OXR1: variants seen among roughly 807,000 people sequenced by gnomAD.
The protein encoded by OXR1 is oxidation resistance protein 1.
OXR1 carries 41 observed loss-of-function variants against 104.6 expected under a neutral mutation model. The observed-to-expected ratio is 0.39, with a 90% CI of 0.31 to 0.51. The LOEUF (loss-of-function observed/expected upper bound fraction) is 0.51, where lower values mean the gene tolerates loss of function less well. Among genes scored for constraint, OXR1 ranks in the 20% least tolerant of loss-of-function variants. OXR1 has a pLI of 0.77. For missense variants in OXR1, 955 were observed against 1,031.9 expected, an observed-to-expected ratio of 0.93 and a Z score of 1.02; for synonymous variants, 348 against 348.4, an observed-to-expected ratio of 1.00 and a Z score of 0.01.
chr8:106,427,384 G>T (rs546649184), intron 2 of OXR1, among the ~76,000 whole-genome samples: 1 of 152,184 alleles, frequency 6.6e-6, no homozygotes, highest in East Asian at 1.9e-4. Context: ...AGCCAGGATG[G>T]TCTCGATCTC....
At chr8:106,448,001 T>TTGCC (rs1253076607) in intron 2 of OXR1, 14 of 1,528,814 alleles carry the variant, frequency 9.2e-6, no homozygotes, top group Non-Finnish European at 9.6e-6. Flanking sequence ...AGCTATAAGG[T>TTGCC]TGCCTGCCTG....
At chr8:106,677,018 A>T (rs965006789) in intron 3 of OXR1, among the ~76,000 whole-genome samples, 1 of 152,144 alleles carries the variant, frequency 6.6e-6, no homozygotes, top group African/African-American at 2.4e-5. Context: ...AAACTTGCAA[A>T]CATGTTTAAT....
At chr8:106,489,270 A>G (rs1478820115) in intron 2 of OXR1, among the ~76,000 whole-genome samples, 1 of 151,690 alleles carries the variant, frequency 6.6e-6, no homozygotes, top group Non-Finnish European at 1.5e-5. Flanking sequence ...TTGTACATTG[A>G]TTTTGTATCC....
intron 3 of OXR1, among the ~76,000 whole-genome samples, chr8:106,589,699 G>A (rs1333130467): frequency 2.0e-5 from 3 of 152,002 alleles, no homozygotes; most frequent in African/African-American, 7.2e-5. Flanking sequence ...ATGGAGTTTC[G>A]CTTGTTGCCC....
At chr8:106,387,695 A>G (rs1013783874) in intron 2 of OXR1, among the ~76,000 whole-genome samples, 3 of 152,204 alleles carry the variant, frequency 2.0e-5, no homozygotes, top group South Asian at 2.1e-4. Flanking sequence ...TGCATCTCTC[A>G]TAGTATTTAA....
chr8:106,675,885 G>T (rs928150364), intron 3 of OXR1, among the ~76,000 whole-genome samples: 3 of 152,100 alleles, frequency 2.0e-5, no homozygotes, highest in African/African-American at 7.2e-5. Flanking sequence ...TGTCAGTGGG[G>T]TGTTAAAGTC....
intron 2 of OXR1, among the ~76,000 whole-genome samples, chr8:106,501,002 G>A (rs1326636383): frequency 2.0e-5 from 3 of 152,188 alleles, no homozygotes; most frequent in Non-Finnish European, 2.9e-5. Flanking sequence ...TTGAAGTTGG[G>A]TGATCAAGGA....
chr8:106,615,481 C>T (rs1472367668), intron 3 of OXR1, among the ~76,000 whole-genome samples: 2 of 151,440 alleles, frequency 1.3e-5, no homozygotes, highest in African/African-American at 2.4e-5. Flanking sequence ...GCACTTAAAG[C>T]CCCACAGCTC....
intron 11 of OXR1, among the ~76,000 whole-genome samples, chr8:106,718,825 C>T (rs1019076328): frequency 2.3e-5 from 3 of 132,092 alleles, no homozygotes; most frequent in African/African-American, 9.2e-5. Context: ...GGCGACAGAG[C>T]GAGACTCCAC....
intron 1 of OXR1, among the ~76,000 whole-genome samples, chr8:106,330,564 C>A (rs1814667217): frequency 6.6e-6 from 1 of 152,230 alleles, no homozygotes. Context: ...TAAAAATTGT[C>A]TTGAAATTGT....
intron 2 of OXR1, chr8:106,448,184 C>A: frequency 9.2e-7 from 1 of 1,088,726 alleles, no homozygotes; most frequent in Non-Finnish European, 1.3e-6. Context: ...TGGGACCAAA[C>A]AGATGGATTT....
At chr8:106,425,028 G>C (rs1819054178) in intron 2 of OXR1, among the ~76,000 whole-genome samples, 1 of 146,026 alleles carries the variant, frequency 6.8e-6, no homozygotes, top group Non-Finnish European at 1.5e-5. Context: ...TGAAAGCTGA[G>C]TACTAAATTT....
chr8:106,620,315 T>G (rs373766650), intron 3 of OXR1, among the ~76,000 whole-genome samples: 7 of 149,256 alleles, frequency 4.7e-5, no homozygotes, highest in East Asian at 1.9e-4. Context: ...TAATTGACAG[T>G]TTTTTTTTCA....
At chr8:106,377,839 C>A (rs1029425153) in intron 2 of OXR1, among the ~76,000 whole-genome samples, 1 of 152,180 alleles carries the variant, frequency 6.6e-6, no homozygotes, top group Non-Finnish European at 1.5e-5. Flanking sequence ...TACCCTTTAA[C>A]TTTACTCTAG....
At chr8:106,699,383 T>G (rs773597286) in intron 7 of OXR1, among the ~76,000 whole-genome samples, 1 of 152,124 alleles carries the variant, frequency 6.6e-6, no homozygotes, top group African/African-American at 2.4e-5. Context: ...TTCTGGGTTG[T>G]TTGTTTGTTT....
intron 3 of OXR1, among the ~76,000 whole-genome samples, chr8:106,647,601 A>G (rs1824192316): frequency 1.3e-5 from 2 of 152,224 alleles, no homozygotes; most frequent in South Asian, 2.1e-4. Context: ...TAATAGATTC[A>G]TGCCTTAGTT....
rs546621293 is a variant in OXR1 at position 106,342,990 on chromosome 8, G to A, written c.-138-16486G>A. Reference sequence around the variant, plus strand: ...GCCTCTACTGGAAGTCCTATACCCTGGGAGTCATCTTAGACTCCTTGCTTT... The same window carrying A: ...GCCTCTACTGGAAGTCCTATACCCTAGGAGTCATCTTAGACTCCTTGCTTT... On this transcript the variant is annotated intron_variant, in intron 1 of 16. Coordinates refer to ENST00000517566, the MANE Select transcript of OXR1 (RefSeq NM_001198533.2). 2.6e-5 allele frequency among the ~76,000 whole-genome samples: 4 copies of A among 152,218 alleles called. No homozygotes were observed. The South Asian group carries it at 8.3e-4, about 32-fold the overall frequency.
intron 2 of OXR1, among the ~76,000 whole-genome samples, chr8:106,371,289 C>T (rs1384184388): frequency 1.3e-5 from 2 of 151,000 alleles, no homozygotes; most frequent in Non-Finnish European, 3.0e-5. Flanking sequence ...ATTCTTCTCC[C>T]TCTTCTTTAT....
intron 3 of OXR1, among the ~76,000 whole-genome samples, chr8:106,622,485 ACC>A (rs1554605211): frequency 6.1e-5 from 8 of 131,574 alleles, no homozygotes; most frequent in African/African-American, 2.3e-4. Context: ...ACACACACAC[ACC>A]CCTTACTTCA....
Sources: gnomAD v4.1 joint callset for allele counts (sites outside exome capture counted in the v4.1 genomes callset) on GRCh38, gnomAD v4.1.1 for gene constraint, MANE v1.5 for transcripts, NCBI Gene and HGNC (gene_info 2026-07-23, HGNC 2026-07-21) for gene names.